Variants in DLG3 observed in about 807,000 individuals in gnomAD.
DLG3 encodes disks large homolog 3.
A neutral mutation model predicts 64.1 loss-of-function variants in DLG3; 1 was observed. That is an observed-to-expected ratio of 0.02 (90% CI 0.01 to 0.07). The LOEUF is 0.07. Ranked by LOEUF, DLG3 falls within the 10% of genes least tolerant of loss-of-function variation. The pLI, the probability that DLG3 is intolerant of heterozygous loss-of-function variation, is 1.00. For synonymous variants in DLG3, 245 were observed against 259.8 expected (o/e 0.94, Z 0.55); for missense variants, 429 against 669.5 (o/e 0.64, Z 3.96).
chrX:70,445,188 CG>C lies in DLG3; in HGVS notation c.-8del, dbSNP rs1555960066. ...GGCGTGGGCTGGGGGGTCCGAGCCG[CG>C]GGGGGCAGTGCCATGCACAAGCACC... On this transcript the variant is annotated 5_prime_UTR_variant, in exon 1 of 19. Transcript: ENST00000374360. The C allele has an allele frequency of 4.4e-6, 5 of 1,140,894 alleles. No individual in the cohort carries two copies. Among genetic ancestry groups the C allele is most frequent in the Non-Finnish European group, 3.5e-6 (3 of 857,479 alleles). 94.0% of individuals were successfully genotyped at this position (1,140,894 alleles called of 1,213,427 possible). A position where few individuals can be genotyped will look rare whatever the true frequency, so the allele number is the denominator to read the frequency against.
In DLG3 at chrX:70,503,991, T is replaced by C. The variant is rs977992583; in HGVS notation, c.*1722T>C. On this transcript the variant is annotated 3_prime_UTR_variant, in exon 19 of 19. Transcript: ENST00000374360. ...GTTAGGGCTGGTGCAAGCGAGGCAA[T>C]GTTGAGGATGCTTTAAGCACTACCA... 9.0e-6 allele frequency: 1 copy of C among 111,393 alleles called. No homozygotes were observed. Among genetic ancestry groups the C allele is most frequent in the Admixed American group, 9.6e-5 (1 of 10,425 alleles). 9.2% of individuals were successfully genotyped at this position (111,393 alleles called of 1,213,427 possible).
chrX:70,492,652 G>A lies in DLG3; in HGVS notation c.1773+56G>A, dbSNP rs775572790. Reference sequence around the variant, plus strand: ...GTAGGTAAAGAGGGTTGAGAAGCCTGGAGTTTAGTCTGATGTGTAGGAGAA... The same window carrying A: ...GTAGGTAAAGAGGGTTGAGAAGCCTAGAGTTTAGTCTGATGTGTAGGAGAA... On this transcript the variant is annotated intron_variant, in intron 12 of 18. Transcript: ENST00000374360. The A allele has an allele frequency of 5.6e-6, 6 of 1,069,012 alleles. No individual in the cohort carries two copies. The East Asian group carries it at 1.8e-4, about 32-fold the overall frequency. The allele number at this position is 1,069,012 out of a possible 1,213,427, so 88.1% of individuals were successfully genotyped here. A position where few individuals can be genotyped will look rare whatever the true frequency, so the allele number is the denominator to read the frequency against.
At chrX:70,489,822 T>A (rs2087325314) in intron 10 of DLG3, among the ~76,000 whole-genome samples, 1 of 111,701 alleles carries the variant, frequency 9.0e-6, no homozygotes. Flanking sequence ...TCTAATCTTC[T>A]ACAAATTCAT....
rs771183414 is a variant in DLG3 at position 70,477,181 on chromosome X, GGCAAGTC to G, written c.1406-1967_1406-1961del. On this transcript the variant is annotated intron_variant, in intron 9 of 18. Transcript: ENST00000374360. Reference sequence around the variant, plus strand: ...CCTGCTGCTAAGTTGGAGTTCAGCGGGCAAGTCGATTCCAAAGAAGGGAATATATAAA... The same window carrying G: ...CCTGCTGCTAAGTTGGAGTTCAGCGGGATTCCAAAGAAGGGAATATATAAA... 4.4e-5 allele frequency among the ~76,000 whole-genome samples: 5 copies of G among 112,559 alleles called. No homozygotes were observed. In the South Asian group the frequency reaches 1.8e-3, roughly 41 times the overall value.
At chrX:70,483,187 G>A (rs1045526660) in intron 10 of DLG3, among the ~76,000 whole-genome samples, 4 of 111,727 alleles carry the variant, frequency 3.6e-5, no homozygotes, top group Non-Finnish European at 7.5e-5. Flanking sequence ...AGGGGGCTAA[G>A]GCAGGAGGAT....
chrX:70,478,684 T>C (rs1004713922), intron 9 of DLG3, among the ~76,000 whole-genome samples: 1 of 111,360 alleles, frequency 9.0e-6, no homozygotes, highest in African/African-American at 3.3e-5. Flanking sequence ...CTAACAATGA[T>C]ATAATTGACC....
At chrX:70,491,486 A>C (rs1204272104) in intron 10 of DLG3, among the ~76,000 whole-genome samples, 1 of 112,513 alleles carries the variant, frequency 8.9e-6, no homozygotes, top group African/African-American at 3.2e-5. Context: ...GTTTTGTCCC[A>C]GGTTGGTTAG....
chrX:70,479,194 A>G lies in DLG3; in HGVS notation c.1450A>G (p.Met484Val). The change falls in exon 10 of 19, where the codon ATG becomes GTG. Residue 484 changes from methionine (M) to valine (V), a missense_variant. Around this residue, in one of 9 missense-constraint regions of DLG3, gnomAD observed 46 missense variants for 52.3 expected, o/e 0.88. Transcript: ENST00000374360. ...ESKIHDLREQ[M>V]MNSSMSSGSG... ...GAAGATACATGACTTACGAGAACAA[A>G]TGATGAACAGCAGCATGAGCTCTGG... 3.3e-6 allele frequency: 4 copies of G among 1,211,828 alleles called. No individual in the cohort carries two copies. Among genetic ancestry groups the G allele is most frequent in the Non-Finnish European group, 3.4e-6 (3 of 895,360 alleles).
chrX:70,464,340 G>A (rs2086854025), intron 9 of DLG3, among the ~76,000 whole-genome samples: 1 of 107,965 alleles, frequency 9.3e-6, no homozygotes, highest in South Asian at 4.1e-4. Context: ...ATGGCTCACT[G>A]TAGCCTCAAT....
chrX:70,461,567 GC>G (rs969200403), intron 9 of DLG3, among the ~76,000 whole-genome samples: 5 of 101,745 alleles, frequency 4.9e-5, no homozygotes, highest in African/African-American at 7.1e-5. Context: ...AAATGATAGG[GC>G]CCCCCCTTTT....
At chrX:70,501,108 T>C in intron 18 of DLG3, 119 bp downstream of exon 18, 1 of 595,874 alleles carries the variant, frequency 1.7e-6, no homozygotes, top group Non-Finnish European at 2.7e-6. Context: ...TCCAGTTGCT[T>C]TTAAGTTTTT....
intron 10 of DLG3, among the ~76,000 whole-genome samples, chrX:70,484,576 A>G (rs1435336117): frequency 9.0e-6 from 1 of 111,628 alleles, no homozygotes; most frequent in Non-Finnish European, 1.9e-5. Flanking sequence ...ACAATAATGT[A>G]TGTAAGTGTT....
chrX:70,456,249 C>T (rs1219875699), intron 9 of DLG3: 2 of 112,546 alleles, frequency 1.8e-5, no homozygotes, highest in Admixed American at 9.4e-5. Context: ...CAGAGCTAAC[C>T]GTCTGATTTT....
chrX:70,482,667 T>TTTTTG (rs1445426620), intron 10 of DLG3, among the ~76,000 whole-genome samples: 3 of 78,024 alleles, frequency 3.8e-5, no homozygotes, highest in South Asian at 6.9e-4. Context: ...GTGGTGTTTT[T>TTTTTG]TTTTTTTTTT....
At position 70,502,446 on chromosome X, in the gene DLG3, G is replaced by A. The variant is rs1411454082; in HGVS notation, c.*177G>A. The stretch of plus-strand genomic sequence containing the variant: ...GTTCTTTTTTTTTTTTTAAGTTTTT[G>A]TTTGTTTCAGTTTATTTTTTGGGAT... On this transcript the variant is annotated 3_prime_UTR_variant, in exon 19 of 19. Coordinates refer to ENST00000374360, the MANE Select transcript of DLG3 (RefSeq NM_021120.4). The A allele has an allele frequency of 2.4e-6, 1 of 411,078 alleles. No individual in the cohort carries two copies. The highest frequency in any genetic ancestry group is 4.2e-6 in the Non-Finnish European group (1 of 237,649). The allele number at this position is 411,078 out of a possible 1,213,427, so 33.9% of individuals were successfully genotyped here. A position where few individuals can be genotyped will look rare whatever the true frequency, so the allele number is the denominator to read the frequency against.
intron 9 of DLG3, among the ~76,000 whole-genome samples, chrX:70,468,059 T>G (rs375003442): frequency 3.1e-4 from 34 of 111,414 alleles, no homozygotes; most frequent in South Asian, 7.7e-4. Flanking sequence ...GTAGATTTTT[T>G]TTTGTTTGTT....
rs552803545 is a variant in DLG3 at position 70,479,964 on chromosome X, C to T, written c.1520+700C>T. Among the ~76,000 whole-genome samples, 6 of 111,970 alleles carry T rather than the reference C, an allele frequency of 5.4e-5. No homozygotes were observed. The South Asian group carries it at 2.3e-3, about 42-fold the overall frequency. The stretch of plus-strand genomic sequence containing the variant: ...TACTTTGTCAGGTCAAAGTACAAAT[C>T]TCCTGGGGAGTTGGAGTGCCAAGTG... On this transcript the variant is annotated intron_variant, in intron 10 of 18. Transcript: ENST00000374360.
chrX:70,488,044 G>A lies in DLG3; in HGVS notation c.1521-4063G>A, dbSNP rs749238232. 6.6e-4 allele frequency among the ~76,000 whole-genome samples: 70 copies of A among 105,525 alleles called. 1 individual carries two copies. Among genetic ancestry groups the A allele is most frequent in the Admixed American group, 2.7e-3 (26 of 9,728 alleles). The allele number at this position is 105,525 out of a possible 115,157, so 91.6% of individuals were successfully genotyped here. On this transcript the variant is annotated intron_variant, in intron 10 of 18. Coordinates refer to ENST00000374360, the MANE Select transcript of DLG3 (RefSeq NM_021120.4). ...TTTTCTTTTTCTGAGATGGAGTCTC[G>A]CTCTGTCACCAGGCTGGAGTGCAGT... is the stretch of plus-strand genomic sequence containing the variant.
intron 9 of DLG3, among the ~76,000 whole-genome samples, chrX:70,466,877 C>T (rs113287448): frequency 0.013 from 1,448 of 111,372 alleles, 24 homozygotes; most frequent in African/African-American, 0.045. Context: ...AAATACTGTC[C>T]GAGTTTTATT....
Sources: gnomAD v4.1 joint callset for allele counts (sites outside exome capture counted in the v4.1 genomes callset) on GRCh38, gnomAD v4.1.1 for gene constraint, gnomAD v4.1.1 regional missense constraint, MANE v1.5 for transcripts, NCBI Gene and HGNC (gene_info 2026-07-23, HGNC 2026-07-21) for gene names.